IGF2R: variants seen among roughly 807,000 people sequenced by gnomAD.
IGF2R encodes the protein cation-independent mannose-6-phosphate receptor.
IGF2R carries 91 observed loss-of-function variants against 270.6 expected under a neutral mutation model. The observed-to-expected ratio is 0.34, with a 90% CI of 0.28 to 0.40. The LOEUF (loss-of-function observed/expected upper bound fraction) is 0.40. Ranked by LOEUF, IGF2R falls within the 10% of genes least tolerant of loss-of-function variation. IGF2R has a pLI of 1.00. For synonymous variants in IGF2R, 1,316 were observed against 1,258.9 expected (o/e 1.05, Z -0.96); for missense variants, 2,805 against 3,188.3 (o/e 0.88, Z 2.90).
intron 45 of IGF2R, among the ~76,000 whole-genome samples, chr6:160,100,368 A>G (rs905896327): frequency 6.6e-6 from 1 of 152,172 alleles, no homozygotes; most frequent in Non-Finnish European, 1.5e-5. Context: ...AGGATATTAA[A>G]GAAAAATATT....
intron 31 of IGF2R, 111 bp downstream of exon 31, chr6:160,070,169 T>C: frequency 9.7e-7 from 1 of 1,032,372 alleles, no homozygotes; most frequent in Non-Finnish European, 1.4e-6. Flanking sequence ...TTCTAGAGCC[T>C]GGGATGATGC....
intron 44 of IGF2R, among the ~76,000 whole-genome samples, chr6:160,092,860 A>G (rs990524935): frequency 3.3e-5 from 5 of 152,332 alleles, no homozygotes; most frequent in Admixed American, 1.3e-4. Context: ...ACCAGCCACA[A>G]AGATTTTCAG....
At position 159,990,621 on chromosome 6, in the gene IGF2R, A is replaced by G. The variant is rs145601273; in HGVS notation, c.150-563A>G. On this transcript the variant is annotated intron_variant, in intron 1 of 47. Transcript: ENST00000356956. ...GAGTTGATATTCTTAAATTAATGGT[A>G]AGATATTTCTTTTTTTTTTTTCTTT... 6.0e-3 allele frequency among the ~76,000 whole-genome samples: 909 copies of G among 152,194 alleles called. 4 individuals are homozygous for G. The highest frequency in any genetic ancestry group is 7.8e-3 in the Non-Finnish European group (532 of 68,002).
chr6:160,056,294 A>C, intron 19 of IGF2R, 130 bp from the exon 20 acceptor site: 1 of 671,790 alleles, frequency 1.5e-6, no homozygotes, highest in South Asian at 1.7e-5. Flanking sequence ...TTAAGTGCCT[A>C]GCTTATTGGC....
intron 30 of IGF2R, among the ~76,000 whole-genome samples, chr6:160,069,653 C>G (rs1248313560): frequency 6.6e-6 from 1 of 152,236 alleles, no homozygotes; most frequent in African/African-American, 2.4e-5. Flanking sequence ...CCCGCCTGCC[C>G]CAGTCCATCT....
At chr6:160,063,380 T>G in intron 26 of IGF2R, 35 bp from the exon 27 acceptor site, 1 of 1,493,674 alleles carries the variant, frequency 6.7e-7, no homozygotes, top group South Asian at 1.1e-5. Flanking sequence ...CGTGTGTGGT[T>G]GCAGTTGCCC....
chr6:160,048,850 C>T (rs967325929), intron 18 of IGF2R, among the ~76,000 whole-genome samples: 4 of 152,230 alleles, frequency 2.6e-5, no homozygotes, highest in African/African-American at 9.6e-5. Flanking sequence ...TTTCAGCAGA[C>T]ACCTGTGAAA....
chr6:159,985,661 C>G (rs1169115583), intron 1 of IGF2R, among the ~76,000 whole-genome samples: 1 of 152,160 alleles, frequency 6.6e-6, no homozygotes, highest in Admixed American at 6.5e-5. Context: ...GAAAATGCCA[C>G]CACTGAGCTG....
intron 1 of IGF2R, among the ~76,000 whole-genome samples, chr6:159,973,159 G>A (rs3798208): frequency 0.022 from 3,414 of 152,210 alleles, 84 homozygotes; most frequent in South Asian, 0.071. Context: ...GCATTCAGGA[G>A]GAGAGGAGCA....
chr6:160,007,499 A>G (rs911507139), intron 2 of IGF2R: 2 of 152,204 alleles, frequency 1.3e-5, no homozygotes, highest in African/African-American at 4.8e-5. Context: ...TTATTGATGT[A>G]CATTTTTCTT....
chr6:160,090,672 A>G (rs1399001117), intron 44 of IGF2R, among the ~76,000 whole-genome samples: 2 of 152,246 alleles, frequency 1.3e-5, no homozygotes, highest in East Asian at 3.8e-4. Context: ...AGTCTTAACT[A>G]TATACCTTTC....
chr6:160,071,194 C>T lies in IGF2R; in HGVS notation c.4444-716C>T, dbSNP rs111613997. Among the ~76,000 whole-genome samples, 234 of 147,918 alleles carry T rather than the reference C, an allele frequency of 1.6e-3. 1 individual carries two copies. The highest frequency in any genetic ancestry group is 5.6e-3 in the African/African-American group (221 of 39,594). On this transcript the variant is annotated intron_variant, in intron 31 of 47. Coordinates refer to ENST00000356956, the MANE Select transcript of IGF2R (RefSeq NM_000876.4). ...GGAAAGGTGAAGGGTGTGTGGAGGC[C>T]CTGTGCCCCAGACCCAGGAGGCTGG...
At chr6:160,104,073 G>C (rs1214581509) in intron 47 of IGF2R, among the ~76,000 whole-genome samples, 1 of 151,322 alleles carries the variant, frequency 6.6e-6, no homozygotes, top group East Asian at 1.9e-4. Flanking sequence ...GTTTTTGGCT[G>C]TTCTTTAAAA....
rs762376489 is a variant in IGF2R at position 160,047,813 on chromosome 6, A to G, written c.2251A>G (p.Asn751Asp). Residue 751 changes from asparagine to aspartate, a missense_variant, in exon 17 of 48, where the codon AAC becomes GAC. By Grantham distance (23) the Asn-to-Asp change is conservative. Transcript: ENST00000356956. ...EYQEEDNSTYNFRWYTSYACP... is the reference protein window; with the variant it reads ...EYQEEDNSTYDFRWYTSYACP... ...TTAGGAAGAGGATAACTCCACCTAC[A>G]ACTTCCGGTGGTACACCAGCTATGC... 17 of 1,613,634 alleles carry G rather than the reference A, an allele frequency of 1.1e-5. No homozygotes were observed. The South Asian group carries it at 1.9e-4, about 18-fold the overall frequency.
At chr6:159,975,722 ATATT>A (rs1783682902) in intron 1 of IGF2R, among the ~76,000 whole-genome samples, 1 of 147,128 alleles carries the variant, frequency 6.8e-6, no homozygotes, top group Non-Finnish European at 1.5e-5. Context: ...TATTGTGTAT[ATATT>A]ATATAAGCAT....
At position 160,110,851 on chromosome 6, in the gene IGF2R, T is replaced by C. The variant is rs1483166482; in HGVS notation, c.*5767T>C. On this transcript the variant is annotated 3_prime_UTR_variant, in exon 48 of 48. Transcript: ENST00000356956. ...GAAAAATACCAGATGATCTCACTTA[T>C]ATGTGGAATCTAAAAAGGTTGGACT... 2 of 152,198 alleles carry C rather than the reference T, an allele frequency of 1.3e-5. No individual in the cohort carries two copies. The highest frequency in any genetic ancestry group is 2.9e-5 in the Non-Finnish European group (2 of 68,038). The allele number at this position is 152,198 out of a possible 1,614,324, so 9.4% of individuals were successfully genotyped here.
chr6:160,027,342 C>T (rs200551068), intron 6 of IGF2R, 28 bp downstream of exon 6: 73 of 1,587,294 alleles, frequency 4.6e-5, no homozygotes, highest in Middle Eastern at 2.0e-4. Flanking sequence ...ATGCTGTTGG[C>T]GTTTTTAATC....
rs1216519769 is a variant in IGF2R at position 160,050,681 on chromosome 6, T to C, written c.2694+29T>C. 3 of 1,571,616 alleles carry C rather than the reference T, an allele frequency of 1.9e-6. No homozygotes were observed. Among genetic ancestry groups the C allele is most frequent in the Admixed American group, 3.5e-5 (2 of 56,384 alleles). ...AGGCACTGCTGCTGGCTGGTGACCT[T>C]CACTGCTGCATTTTTTGACTGAGCG... On this transcript the variant is annotated intron_variant, in intron 19 of 47. Transcript: ENST00000356956. This position sits in a 1 kb window ranked among gnomAD's most constrained non-coding sequence, Gnocchi z 4.0.
Position 160,080,158 on chromosome 6 carries a change from C to G in IGF2R, c.5716C>G (p.Pro1906Ala), listed in dbSNP as rs1166270506. ...CGATGACGGCGTCCCCTGTGTCTTC[C>G]CCTTCATATTCAATGGGAAGAGCTA... The part of the protein sequence containing the change: ...ETDDGVPCVF[P>A]FIFNGKSYEE... Residue 1906 changes from proline (P) to alanine (A), a missense_variant, in exon 39 of 48, where the codon CCC becomes GCC. Coordinates refer to ENST00000356956, the MANE Select transcript of IGF2R (RefSeq NM_000876.4). 2 of 1,614,002 alleles carry G rather than the reference C, an allele frequency of 1.2e-6. No individual in the cohort carries two copies. The highest frequency in any genetic ancestry group is 8.5e-7 in the Non-Finnish European group (1 of 1,180,024).
Sources: gnomAD v4.1 joint callset for allele counts (sites outside exome capture counted in the v4.1 genomes callset) on GRCh38, gnomAD v4.1.1 for gene constraint, Gnocchi (gnomAD v3.1) non-coding constraint, MANE v1.5 for transcripts, NCBI Gene and HGNC (gene_info 2026-07-23, HGNC 2026-07-21) for gene names.